Variants in COMTD1 observed in about 807,000 individuals in gnomAD.
COMTD1 encodes catechol O-methyltransferase domain-containing protein 1.
A neutral mutation model predicts 33.6 loss-of-function variants in COMTD1; 35 were observed. The ratio of observed to expected loss-of-function variants is 1.04; its 90% CI spans 0.80 to 1.38. The LOEUF (loss-of-function observed/expected upper bound fraction) is 1.38, where lower values mean the gene tolerates loss of function less well. Ranked by LOEUF, COMTD1 falls within the 40% of genes most tolerant of loss-of-function variation. The probability of loss-of-function intolerance (pLI) is 0.00; values close to 1 mark genes in which losing one functional copy is unlikely to be tolerated. For synonymous variants in COMTD1, 160 were observed against 176.8 expected, an observed-to-expected ratio of 0.91 and a Z score of 0.75; for missense variants, 370 against 363.4, an observed-to-expected ratio of 1.02 and a Z score of -0.15.
At position 75,234,665 on chromosome 10, in the gene COMTD1, T is replaced by G; in HGVS notation, c.581A>C (p.Tyr194Ser). Residue 194 changes from tyrosine to serine, a missense_variant, in exon 6 of 7, where the codon TAC becomes TCC. Transcript: ENST00000372538. ...CAGCAGCTGCAGGCAGCGCTCGTAG[T>G]AGGCGGAGCAGTTCTCCTTGTCCGC... is the stretch of plus-strand genomic sequence containing the variant. ...VDADKENCSA[Y>S]YERCLQLLRP... The G allele has an allele frequency of 6.3e-7, 1 of 1,580,046 alleles. No individual in the cohort carries two copies. The highest frequency in any genetic ancestry group is 8.6e-7 in the Non-Finnish European group (1 of 1,163,490).
chr10:75,235,348 C>G lies in COMTD1; in HGVS notation c.247G>C (p.Asp83His). ...GCCTGCTCGCAGGTCATCATAGAAT[C>G]CCCCTGCGGCTGCTCCAGGGTCAGC... Reference protein sequence around the residue: ...RLLTLEQPQGDSMMTCEQAQL... With the variant: ...RLLTLEQPQGHSMMTCEQAQL... Residue 83 changes from aspartate to histidine, a missense_variant, in exon 3 of 7, where the codon GAT becomes CAT. Coordinates refer to ENST00000372538, the MANE Select transcript of COMTD1 (RefSeq NM_144589.4). 1 of 1,584,674 alleles carries G rather than the reference C, an allele frequency of 6.3e-7. No homozygotes were observed. Among genetic ancestry groups the G allele is most frequent in the South Asian group, 1.1e-5 (1 of 87,088 alleles).
At chr10:75,235,507 G>A in intron 2 of COMTD1, 109 bp downstream of exon 2, 1 of 1,396,670 alleles carries the variant, frequency 7.2e-7, no homozygotes, top group Non-Finnish European at 9.4e-7. Flanking sequence ...ACCCGGCCCA[G>A]GGAAGCCGGA....
Position 75,233,963 on chromosome 10 carries a change from T to C in COMTD1, c.*110A>G. 6.3e-7 allele frequency: 1 copy of C among 1,587,378 alleles called. No homozygotes were observed. Among genetic ancestry groups the C allele is most frequent in the Non-Finnish European group, 8.5e-7 (1 of 1,171,248 alleles). ...CCCATCCAGCGCCACACACGGAGGC[T>C]CAGGAGGTCGTGTGTCCCAGCCCCA... On this transcript the variant is annotated 3_prime_UTR_variant, in exon 7 of 7. Transcript: ENST00000372538.
intron 2 of COMTD1, 104 bp from the exon 3 acceptor site, chr10:75,235,476 G>T (rs997707666): frequency 1.0e-5 from 14 of 1,346,786 alleles, no homozygotes; most frequent in African/African-American, 1.5e-5. Flanking sequence ...TGGGGGACTG[G>T]CCCTTCGGAA....
rs778108660 is a variant in COMTD1 at position 75,234,749 on chromosome 10, G to T, written c.503-6C>A. 66 of 1,579,530 alleles carry T rather than the reference G, an allele frequency of 4.2e-5. No individual in the cohort carries two copies. Among genetic ancestry groups the T allele is most frequent in the Non-Finnish European group, 5.4e-5 (63 of 1,164,478 alleles). ...GCCCGCCGCCAGCAGCTCGTCTTGC[G>T]GGGGGAGGGAGGGCAGGTGCGGCTG... is the stretch of plus-strand genomic sequence containing the variant. On this transcript the variant is annotated splice_region_variant and splice_polypyrimidine_tract_variant and intron_variant, in intron 5 of 6. Transcript: ENST00000372538.
In COMTD1 at chr10:75,234,868, C is replaced by T. The variant is rs1590020043; in HGVS notation, c.502+70G>A. On this transcript the variant is annotated intron_variant, in intron 5 of 6. Coordinates refer to ENST00000372538, the MANE Select transcript of COMTD1 (RefSeq NM_144589.4). ...CCTTAACCTGCCCGGCAGGCCCAGT[C>T]ACAGCTCGGCCACACAGCAGCCTCG... 29 of 1,532,572 alleles carry T rather than the reference C, an allele frequency of 1.9e-5. No individual in the cohort carries two copies. The East Asian group carries it at 7.1e-4, about 38-fold the overall frequency. 94.9% of individuals were successfully genotyped at this position (1,532,572 alleles called of 1,614,324 possible).
At chr10:75,235,474 TG>T in intron 2 of COMTD1, 102 bp from the exon 3 acceptor site, 2 of 1,340,788 alleles carry the variant, frequency 1.5e-6, no homozygotes, top group Non-Finnish European at 2.0e-6. Flanking sequence ...CCTGGGGGAC[TG>T]GCCCTTCGGA....
chr10:75,234,924 G>A lies in COMTD1; in HGVS notation c.502+14C>T, dbSNP rs1477006173. On this transcript the variant is annotated intron_variant, in intron 5 of 6. Transcript: ENST00000372538. ...AATGAATGGCTTCAAAGCCCTTCCC[G>A]CTTCGGTGCTCACCCAGGGTCTCCA... is the stretch of plus-strand genomic sequence containing the variant. 2.0e-6 allele frequency: 3 copies of A among 1,533,354 alleles called. No individual in the cohort carries two copies. The highest frequency in any genetic ancestry group is 2.6e-6 in the Non-Finnish European group (3 of 1,141,474). The allele number at this position is 1,533,354 out of a possible 1,614,324, so 95.0% of individuals were successfully genotyped here.
In COMTD1 at chr10:75,233,972, C is replaced by T; in HGVS notation, c.*101G>A. ...CGCCACACACGGAGGCTCAGGAGGT[C>T]GTGTGTCCCAGCCCCACTTTATTTT... is the stretch of plus-strand genomic sequence containing the variant. On this transcript the variant is annotated 3_prime_UTR_variant, in exon 7 of 7. Transcript: ENST00000372538. 1 of 1,595,632 alleles carries T rather than the reference C, an allele frequency of 6.3e-7. No homozygotes were observed. Among genetic ancestry groups the T allele is most frequent in the Non-Finnish European group, 8.5e-7 (1 of 1,174,798 alleles).
Position 75,235,883 on chromosome 10 carries a change from G to A in COMTD1, c.46C>T (p.Leu16=), listed in dbSNP as rs1443219322. The change falls in exon 1 of 7, where the codon CTG becomes TTG. Residue 16 remains leucine, a synonymous_variant. Coordinates refer to ENST00000372538, the MANE Select transcript of COMTD1 (RefSeq NM_144589.4). Reference sequence around the variant, plus strand: ...GCGGCGCCCAGTGCGGCTGAGCCCAGGGCCAGCGCGGCGGGCACGGAGAGC... The same window carrying A: ...GCGGCGCCCAGTGCGGCTGAGCCCAAGGCCAGCGCGGCGGGCACGGAGAGC... ...PRLSVPAALA[L]GSAALGAAFA... 14 of 1,445,340 alleles carry A rather than the reference G, an allele frequency of 9.7e-6. No homozygotes were observed. Among genetic ancestry groups the A allele is most frequent in the Non-Finnish European group, 1.3e-5 (14 of 1,098,426 alleles). The allele number at this position is 1,445,340 out of a possible 1,614,324, so 89.5% of individuals were successfully genotyped here.
In COMTD1 at chr10:75,235,702, G is replaced by C. The variant is rs1842182167; in HGVS notation, c.136C>G (p.Leu46Val). Residue 46 changes from leucine to valine, a missense_variant, in exon 2 of 7, where the codon CTG becomes GTG. Coordinates refer to ENST00000372538, the MANE Select transcript of COMTD1 (RefSeq NM_144589.4). ...PPWRGRREQC[L>V]LPPEDSRLWQ... is the part of the protein sequence containing the mutation. ...AGGCGGCTGTCCTCGGGGGGAAGCA[G>C]GCACTGCTCTCGCCGGCCTCGCCAT... The C allele has an allele frequency of 3.1e-6, 5 of 1,598,914 alleles. No individual in the cohort carries two copies. The highest frequency in any genetic ancestry group is 3.4e-6 in the Non-Finnish European group (4 of 1,174,298).
Position 75,234,961 on chromosome 10 carries a change from A to C in COMTD1, c.479T>G (p.Leu160Arg). Residue 160 changes from leucine (L) to arginine (R), a missense_variant, in exon 5 of 7, where the codon CTG (leucine) becomes CGG (arginine). Leu to Arg is a moderately radical substitution (Grantham distance 102, BLOSUM62 -2). Coordinates refer to ENST00000372538, the MANE Select transcript of COMTD1 (RefSeq NM_144589.4). ...AEAEHKIDLR[L>R]KPALETLDEL... ...ACCCAGGGTCTCCAAGGCGGGCTTC[A>C]GCCGGAGGTCGATCTTGTGCTCCGC... 1 of 1,525,698 alleles carries C rather than the reference A, an allele frequency of 6.6e-7. No homozygotes were observed. The highest frequency in any genetic ancestry group is 8.8e-7 in the Non-Finnish European group (1 of 1,139,228). 94.5% of individuals were successfully genotyped at this position (1,525,698 alleles called of 1,614,324 possible). A position where few individuals can be genotyped will look rare whatever the true frequency, so the allele number is the denominator to read the frequency against.
At position 75,233,796 on chromosome 10, in the gene COMTD1, C is replaced by G. The variant is rs1842145453; in HGVS notation, c.*277G>C. 6.6e-6 allele frequency among the ~76,000 whole-genome samples: 1 copy of G among 152,186 alleles called. No individual in the cohort carries two copies. Among genetic ancestry groups the G allele is most frequent in the Non-Finnish European group, 1.5e-5 (1 of 68,016 alleles). ...TCTCTGGCCATTACACGTGGCCAGGCCAGTTAAAACTTTATAACCTGCCTC... is the reference window on the plus strand; with the variant it reads ...TCTCTGGCCATTACACGTGGCCAGGGCAGTTAAAACTTTATAACCTGCCTC... On this transcript the variant is annotated 3_prime_UTR_variant, in exon 7 of 7. Coordinates refer to ENST00000372538, the MANE Select transcript of COMTD1 (RefSeq NM_144589.4).
chr10:75,235,558 C>T (rs374644137), intron 2 of COMTD1, 58 bp downstream of exon 2: 9 of 1,507,712 alleles, frequency 6.0e-6, no homozygotes, highest in East Asian at 2.4e-5. Flanking sequence ...GTCACACAGC[C>T]ACGTGGGACC....
Position 75,233,886 on chromosome 10 carries a change from G to C in COMTD1, c.*187C>G. 7.1e-7 allele frequency: 1 copy of C among 1,413,780 alleles called. No homozygotes were observed. The allele number at this position is 1,413,780 out of a possible 1,614,324, so 87.6% of individuals were successfully genotyped here. ...GCGCCAGGGAGGGGACGAATCTCAAGGCCCCTTTCACTGAAGGCAGGAGCT... is the reference window on the plus strand; with the variant it reads ...GCGCCAGGGAGGGGACGAATCTCAACGCCCCTTTCACTGAAGGCAGGAGCT... On this transcript the variant is annotated 3_prime_UTR_variant, in exon 7 of 7. Coordinates refer to ENST00000372538, the MANE Select transcript of COMTD1 (RefSeq NM_144589.4).
In COMTD1 at chr10:75,234,930, G is replaced by A; in HGVS notation, c.502+8C>T. The A allele has an allele frequency of 3.9e-6, 6 of 1,533,650 alleles. No homozygotes were observed. The highest frequency in any genetic ancestry group is 5.3e-6 in the Non-Finnish European group (6 of 1,141,772). The stretch of plus-strand genomic sequence containing the variant: ...TGGCTTCAAAGCCCTTCCCGCTTCG[G>A]TGCTCACCCAGGGTCTCCAAGGCGG... On this transcript the variant is annotated splice_region_variant and intron_variant, in intron 5 of 6. Coordinates refer to ENST00000372538, the MANE Select transcript of COMTD1 (RefSeq NM_144589.4).
intron 5 of COMTD1, 28 bp from the exon 6 acceptor site, chr10:75,234,771 G>T (rs1349350512): frequency 6.4e-7 from 1 of 1,556,582 alleles, no homozygotes; most frequent in East Asian, 2.4e-5. Context: ...GGCAGGTGCG[G>T]CTGAGTCCGC....
chr10:75,234,863 C>G, intron 5 of COMTD1, 75 bp downstream of exon 5: 1 of 1,531,524 alleles, frequency 6.5e-7, no homozygotes, highest in Non-Finnish European at 8.8e-7. Flanking sequence ...CCCGGCAGGC[C>G]CAGTCACAGC....
In COMTD1 at chr10:75,234,608, ACT is replaced by A; in HGVS notation, c.636_636+1del. On this transcript the variant is annotated splice_donor_variant and coding_sequence_variant, in exon 6 of 7. Transcript: ENST00000372538. LOFTEE classifies it high-confidence loss of function. ...TCTCCTCCCCCGCAGTGGATCCCTT[ACT>A]CTGAGGACGGCGAGGATGCCTCCGG... The A allele has an allele frequency of 6.4e-7, 1 of 1,560,036 alleles. No homozygotes were observed. Among genetic ancestry groups the A allele is most frequent in the Non-Finnish European group, 8.7e-7 (1 of 1,152,634 alleles).
Sources: allele counts gnomAD v4.1 joint callset (sites outside exome capture counted in the v4.1 genomes callset), GRCh38; gene constraint gnomAD v4.1.1; transcripts MANE v1.5; gene names NCBI Gene and HGNC (gene_info 2026-07-23, HGNC 2026-07-21).